The following IL15RA variants were observed in gnomAD, a reference collection of about 807,000 sequenced individuals.
The protein encoded by IL15RA is interleukin 15 receptor subunit alpha, also known as interleukin-15 receptor subunit alpha.
IL15RA carries 26 observed loss-of-function variants against 24.2 expected under a neutral mutation model. The ratio of observed to expected loss-of-function variants is 1.07; its 90% CI spans 0.79 to 1.49. IL15RA has a LOEUF of 1.49. IL15RA is among the 40% of genes most tolerant of loss of function. IL15RA has a pLI of 0.00. For missense variants in IL15RA, 354 were observed against 356.4 expected, an observed-to-expected ratio of 0.99 and a Z score of 0.05; for synonymous variants, 166 against 157.6, an observed-to-expected ratio of 1.05 and a Z score of -0.40.
rs956217684 is a variant in IL15RA at position 5,963,933 on chromosome 10, A to C, written c.284-92T>G. The C allele has an allele frequency of 6.6e-6, 5 of 759,650 alleles. No individual in the cohort carries two copies. The highest frequency in any genetic ancestry group is 1.9e-5 in the African/African-American group (1 of 53,316). 47.1% of individuals were successfully genotyped at this position (759,650 alleles called of 1,614,324 possible). ...GGATACAAATAAAATATATCAACACATGAACTTACAGTGGAGGCCTCTGGC... is the reference window on the plus strand; with the variant it reads ...GGATACAAATAAAATATATCAACACCTGAACTTACAGTGGAGGCCTCTGGC... On this transcript the variant is annotated intron_variant, in intron 2 of 6. Coordinates refer to ENST00000379977, the MANE Select transcript of IL15RA (RefSeq NM_002189.4). The surrounding 1 kb of genome is among the most constrained non-coding windows in gnomAD (Gnocchi z 5.3).
At position 5,954,612 on chromosome 10, in the gene IL15RA, C is replaced by T. The variant is rs546110507; in HGVS notation, c.693-1406G>A. 1.8e-3 allele frequency among the ~76,000 whole-genome samples: 279 copies of T among 152,124 alleles called. 2 individuals are homozygous for T. The highest frequency in any genetic ancestry group is 6.4e-3 in the African/African-American group (265 of 41,494). ...CCCAACTGAGATATCTTTCATATAG[C>T]CAGTAAATATTGCTATTTTCCTCTT... On this transcript the variant is annotated intron_variant, in intron 6 of 6. Transcript: ENST00000379977.
At chr10:5,957,884 G>A (rs897450376) in intron 5 of IL15RA, among the ~76,000 whole-genome samples, 1 of 152,162 alleles carries the variant, frequency 6.6e-6, no homozygotes, top group Non-Finnish European at 1.5e-5. Context: ...GAGCCACAGC[G>A]CCCGGCTGAT....
chr10:5,958,056 T>C lies in IL15RA; in HGVS notation c.617-1602A>G. On this transcript the variant is annotated intron_variant, in intron 5 of 6. Coordinates refer to ENST00000379977, the MANE Select transcript of IL15RA (RefSeq NM_002189.4). This position sits in a 1 kb window ranked among gnomAD's most constrained non-coding sequence, Gnocchi z 4.3. ...CTTGCACCTATGGATTTTCAATTAATGGCTGTTTGTAAGATAACAACAGAA... is the reference window on the plus strand; with the variant it reads ...CTTGCACCTATGGATTTTCAATTAACGGCTGTTTGTAAGATAACAACAGAA... 1 of 211,020 alleles carries C rather than the reference T, an allele frequency of 4.7e-6. No homozygotes were observed. The highest frequency in any genetic ancestry group is 1.1e-4 in the East Asian group (1 of 9,088). 13.1% of individuals were successfully genotyped at this position (211,020 alleles called of 1,614,324 possible).
rs574654616 is a variant in IL15RA at position 5,970,519 on chromosome 10, C to T, written c.89-4180G>A. ...TGAGAAAGGAAGTCTATCAGTGGTT[C>T]TTCCATTCTGAACGGTCCTCAAACC... is the stretch of plus-strand genomic sequence containing the variant. On this transcript the variant is annotated intron_variant, in intron 1 of 6. Transcript: ENST00000379977. This position sits in a 1 kb window ranked among gnomAD's most constrained non-coding sequence, Gnocchi z 4.1. 2.0e-5 allele frequency among the ~76,000 whole-genome samples: 3 copies of T among 152,154 alleles called. No homozygotes were observed. The South Asian group carries it at 6.2e-4, about 32-fold the overall frequency.
Position 5,955,753 on chromosome 10 carries a change from A to G in IL15RA, c.692+626T>C, listed in dbSNP as rs1257360169. Among the ~76,000 whole-genome samples, 5 of 152,334 alleles carry G rather than the reference A, an allele frequency of 3.3e-5. No individual in the cohort carries two copies. The highest frequency in any genetic ancestry group is 1.3e-4 in the Admixed American group (2 of 15,300). On this transcript the variant is annotated intron_variant, in intron 6 of 6. Transcript: ENST00000379977. This position sits in a 1 kb window ranked among gnomAD's most constrained non-coding sequence, Gnocchi z 5.3. ...TTATAAGAAGGCATACCCCTATTCAATGAGGACTTTCAAGAATATATTCAT... is the reference window on the plus strand; with the variant it reads ...TTATAAGAAGGCATACCCCTATTCAGTGAGGACTTTCAAGAATATATTCAT...
chr10:5,950,996 G>A (rs1390447947), downstream of IL15RA, among the ~76,000 whole-genome samples: 1 of 151,754 alleles, frequency 6.6e-6, no homozygotes. This position sits in a 1 kb window ranked among gnomAD's most constrained non-coding sequence, Gnocchi z 5.6. Context: ...AAAAAATTAG[G>A]CGGGCATGGT....
In IL15RA at chr10:5,953,621, G is replaced by A. The variant is rs1348619802; in HGVS notation, c.693-415C>T. Among the ~76,000 whole-genome samples, 2 of 152,126 alleles carry A rather than the reference G, an allele frequency of 1.3e-5. No individual in the cohort carries two copies. The highest frequency in any genetic ancestry group is 2.4e-5 in the African/African-American group (1 of 41,420). Reference sequence around the variant, plus strand: ...TTACGCCACCCTGCCATCACCCCACGCTTTGCCAGTCCTCTGCCAAAAAGC... The same window carrying A: ...TTACGCCACCCTGCCATCACCCCACACTTTGCCAGTCCTCTGCCAAAAAGC... On this transcript the variant is annotated intron_variant, in intron 6 of 6. Coordinates refer to ENST00000379977, the MANE Select transcript of IL15RA (RefSeq NM_002189.4). This position sits in a 1 kb window ranked among gnomAD's most constrained non-coding sequence, Gnocchi z 5.3.
At chr10:5,956,845 C>T (rs1225503157) in intron 5 of IL15RA, among the ~76,000 whole-genome samples, 1 of 152,162 alleles carries the variant, frequency 6.6e-6, no homozygotes, top group Non-Finnish European at 1.5e-5. Context: ...CAGGGACACA[C>T]CCCTCCTCTG....
rs780177686 is a variant in IL15RA, at chr10:5,967,436, C to T, written c.89-1097G>A. Among the ~76,000 whole-genome samples, 1 of 152,174 alleles carries T rather than the reference C, an allele frequency of 6.6e-6. No homozygotes were observed. The highest frequency in any genetic ancestry group is 1.5e-5 in the Non-Finnish European group (1 of 68,030). ...GCCAGGATGGCCTTGATCTCTTGAC[C>T]TTGTGATCATCCCGCTTTGGCCTCC... On this transcript the variant is annotated intron_variant, in intron 1 of 6. Transcript: ENST00000379977. This position sits in a 1 kb window ranked among gnomAD's most constrained non-coding sequence, Gnocchi z 4.4.
rs1373533371 is a variant in IL15RA, at chr10:5,966,176, G to A, written c.252C>T (p.Ala84=). 4 of 1,612,164 alleles carry A rather than the reference G, an allele frequency of 2.5e-6. No individual in the cohort carries two copies. The highest frequency in any genetic ancestry group is 1.3e-5 in the African/African-American group (1 of 75,008). The change falls in exon 2 of 7, where the codon GCC becomes GCT. Residue 84 remains alanine (A), a synonymous_variant. Coordinates refer to ENST00000379977, the MANE Select transcript of IL15RA (RefSeq NM_002189.4). The surrounding 1 kb of genome is among the most constrained non-coding windows in gnomAD (Gnocchi z 6.4). ...ATTTGAGACTGGGGGTTGTCCAGTG[G>A]GCGACATTCGTGGCCTTGTTCAACA... is the stretch of plus-strand genomic sequence containing the variant. ...ECVLNKATNV[A]HWTTPSLKCI... is the part of the protein sequence containing the mutation.
chr10:5,948,975 T>C, downstream of IL15RA: 1 of 302,830 alleles, frequency 3.3e-6, no homozygotes, highest in South Asian at 3.2e-5. Context: ...TGTGTAGATA[T>C]AACAGACAAG....
In IL15RA at chr10:5,967,129, CAT is replaced by C. The variant is rs1339278194; in HGVS notation, c.89-792_89-791del. Among the ~76,000 whole-genome samples, 1 of 152,222 alleles carries C rather than the reference CAT, an allele frequency of 6.6e-6. No individual in the cohort carries two copies. Among genetic ancestry groups the C allele is most frequent in the Non-Finnish European group, 1.5e-5 (1 of 68,048 alleles). On this transcript the variant is annotated intron_variant, in intron 1 of 6. Coordinates refer to ENST00000379977, the MANE Select transcript of IL15RA (RefSeq NM_002189.4). The surrounding 1 kb of genome is among the most constrained non-coding windows in gnomAD (Gnocchi z 4.4). Reference sequence around the variant, plus strand: ...AAAAATCCACTCCCTTGTGTGTGCACATGTGTGTGTTAGCTTGGCAGTACTTG... The same window carrying C: ...AAAAATCCACTCCCTTGTGTGTGCACGTGTGTGTTAGCTTGGCAGTACTTG...
Position 5,973,694 on chromosome 10 carries a change from G to A in IL15RA, c.88+3711C>T, listed in dbSNP as rs1193351718. On this transcript the variant is annotated intron_variant, in intron 1 of 6. Transcript: ENST00000379977. The surrounding 1 kb of genome is among the most constrained non-coding windows in gnomAD (Gnocchi z 4.5). ...TTCAAAATGGATCACAGCCATAAAT[G>A]TAAACCCTAAAGCTATAAAACTTCT... is the stretch of plus-strand genomic sequence containing the variant. 2.0e-5 allele frequency among the ~76,000 whole-genome samples: 3 copies of A among 152,296 alleles called. No homozygotes were observed. The highest frequency in any genetic ancestry group is 7.2e-5 in the African/African-American group (3 of 41,554).
At chr10:5,951,140 TCAAAAAAAAAA>T (rs1833838013), downstream of IL15RA, among the ~76,000 whole-genome samples, 1 of 32,106 alleles carries the variant, frequency 3.1e-5, no homozygotes, top group African/African-American at 1.6e-4. Context: ...AGACTCAGTC[TCAAAAAAAAAA>T]AAAAAAAAAA....
At chr10:5,976,685 C>G (rs1032902674) in intron 1 of IL15RA, among the ~76,000 whole-genome samples, 10 of 152,164 alleles carry the variant, frequency 6.6e-5, no homozygotes, top group Admixed American at 5.2e-4. Flanking sequence ...TCCGTCCTCC[C>G]TGCCGAGATC....
At chr10:5,972,657 C>G (rs1415032344) in intron 1 of IL15RA, among the ~76,000 whole-genome samples, 1 of 152,142 alleles carries the variant, frequency 6.6e-6, no homozygotes, top group African/African-American at 2.4e-5. Flanking sequence ...CCACATATGA[C>G]CAACACATGA....
rs1554819980 is a variant in IL15RA at position 5,961,424 on chromosome 10, G to GGAAGAA, written c.383-858_383-857insTTCTTC. Among the ~76,000 whole-genome samples, 5 of 151,012 alleles carry GGAAGAA rather than the reference G, an allele frequency of 3.3e-5. No individual in the cohort carries two copies. The highest frequency in any genetic ancestry group is 1.2e-4 in the African/African-American group (5 of 41,112). On this transcript the variant is annotated intron_variant, in intron 3 of 6. Coordinates refer to ENST00000379977, the MANE Select transcript of IL15RA (RefSeq NM_002189.4). The surrounding 1 kb of genome is among the most constrained non-coding windows in gnomAD (Gnocchi z 5.2). ...TGTCTCTTAAAAAAAAAGGTGGGGG[G>GGAAGAA]AAGAAAAGAAAAGGTGTCAAAGATC...
At position 5,965,227 on chromosome 10, in the gene IL15RA, TA is replaced by T. The variant is rs41294175; in HGVS notation, c.283+917del. Reference sequence around the variant, plus strand: ...GGACGTTTATCCAGGTGCAGACAGTTAAAAAAAAAAGTTGATTCTTGCCACC... The same window carrying T: ...GGACGTTTATCCAGGTGCAGACAGTTAAAAAAAAAGTTGATTCTTGCCACC... On this transcript the variant is annotated intron_variant, in intron 2 of 6. Coordinates refer to ENST00000379977, the MANE Select transcript of IL15RA (RefSeq NM_002189.4). The surrounding 1 kb of genome is among the most constrained non-coding windows in gnomAD (Gnocchi z 5.8). Among the ~76,000 whole-genome samples, 1 of 149,458 alleles carries T rather than the reference TA, an allele frequency of 6.7e-6. No homozygotes were observed. The highest frequency in any genetic ancestry group is 1.5e-5 in the Non-Finnish European group (1 of 67,114).
rs539623240 is a variant in IL15RA at position 5,971,679 on chromosome 10, G to C, written c.89-5340C>G. Among the ~76,000 whole-genome samples, 1 of 152,302 alleles carries C rather than the reference G, an allele frequency of 6.6e-6. No homozygotes were observed. The highest frequency in any genetic ancestry group is 1.9e-4 in the East Asian group (1 of 5,188). On this transcript the variant is annotated intron_variant, in intron 1 of 6. Coordinates refer to ENST00000379977, the MANE Select transcript of IL15RA (RefSeq NM_002189.4). This position sits in a 1 kb window ranked among gnomAD's most constrained non-coding sequence, Gnocchi z 5.5. ...ACTGTGGAGCTGGTGTACGGAAAAG[G>C]CAAAGGCCTCTGGCCTCACAGTCAC...
Sources: allele counts gnomAD v4.1 joint callset (sites outside exome capture counted in the v4.1 genomes callset), GRCh38; gene constraint gnomAD v4.1.1; non-coding constraint Gnocchi (gnomAD v3.1); transcripts MANE v1.5; gene names NCBI Gene and HGNC (gene_info 2026-07-23, HGNC 2026-07-21).